The following RASAL2 variants were observed in gnomAD, a reference collection of about 807,000 sequenced individuals.
RASAL2 encodes the protein ras GTPase-activating protein nGAP.
Under a neutral mutation model 128.9 loss-of-function variants are expected in RASAL2, and 58 were observed. The ratio of observed to expected loss-of-function variants is 0.45; its 90% CI spans 0.36 to 0.56. The LOEUF (loss-of-function observed/expected upper bound fraction) is 0.56. Among genes scored for constraint, RASAL2 ranks in the 20% least tolerant of loss-of-function variants. The pLI, the probability that RASAL2 is intolerant of heterozygous loss-of-function variation, is 0.00. For missense variants in RASAL2, 1,360 were observed against 1,601.6 expected, an observed-to-expected ratio of 0.85 and a Z score of 2.57; for synonymous variants, 561 against 580.8, an observed-to-expected ratio of 0.97 and a Z score of 0.49.
intron 1 of RASAL2, among the ~76,000 whole-genome samples, chr1:178,213,728 A>G (rs1192190719): frequency 2.0e-5 from 3 of 151,686 alleles, no homozygotes; most frequent in Non-Finnish European, 2.9e-5. Context: ...AAAATAAGTT[A>G]CCTGAAGGTT....
chr1:178,300,073 G>T lies in RASAL2; in HGVS notation c.412G>T (p.Glu138Ter). Reference protein sequence around the residue: ...CLRRTVSVPSEGQFPEYPPEG... With the variant: ...CLRRTVSVPS ...GAGGAGAACTGTCAGTGTCCCTTCCGAGGGTCAGTTTCCCGAGTACCCACC... is the reference window on the plus strand; with the variant it reads ...GAGGAGAACTGTCAGTGTCCCTTCCTAGGGTCAGTTTCCCGAGTACCCACC... The change falls in exon 3 of 18, where the codon GAG becomes TAG. Residue 138 changes from glutamate (E) to a stop codon, truncating the protein, a stop_gained. Coordinates refer to ENST00000367649, the MANE Select transcript of RASAL2 (RefSeq NM_170692.4). LOFTEE classifies it high-confidence loss of function. 1 of 1,613,910 alleles carries T rather than the reference G, an allele frequency of 6.2e-7. No individual in the cohort carries two copies. Among genetic ancestry groups the T allele is most frequent in the Non-Finnish European group, 8.5e-7 (1 of 1,179,898 alleles).
chr1:178,128,815 C>T (rs1659993768), intron 1 of RASAL2, among the ~76,000 whole-genome samples: 1 of 152,020 alleles, frequency 6.6e-6, no homozygotes, highest in Admixed American at 6.5e-5. Context: ...GGTTCTTTCA[C>T]CATGGTGTTT....
At chr1:178,112,258 G>T (rs753648993) in intron 1 of RASAL2, among the ~76,000 whole-genome samples, 2 of 151,932 alleles carry the variant, frequency 1.3e-5, no homozygotes, top group Admixed American at 6.6e-5. Flanking sequence ...TTTTATTTAA[G>T]AAATCATTGT....
chr1:178,395,627 T>C (rs1241707899), intron 4 of RASAL2, among the ~76,000 whole-genome samples: 2 of 152,078 alleles, frequency 1.3e-5, no homozygotes, highest in Non-Finnish European at 2.9e-5. Context: ...AGCATTACTG[T>C]ATTCCAAGAG....
rs1250154751 is a variant in RASAL2, at chr1:178,458,032, C to T, written c.2740C>T (p.Pro914Ser). 2 of 1,614,186 alleles carry T rather than the reference C, an allele frequency of 1.2e-6. No homozygotes were observed. Among genetic ancestry groups the T allele is most frequent in the South Asian group, 1.1e-5 (1 of 91,084 alleles). The change falls in exon 14 of 18, where the codon CCA (proline) becomes TCA (serine). Residue 914 changes from proline to serine, a missense_variant. Transcript: ENST00000367649. Reference protein sequence around the residue: ...RRPLHPALNQPGGLQPLSFQN... With the variant: ...RRPLHPALNQSGGLQPLSFQN... ...GCCCCTGCACCCAGCCTTGAACCAG[C>T]CAGGTGGCCTTCAGCCCTTGTCGTT...
chr1:178,367,149 A>G (rs760824480), intron 3 of RASAL2, among the ~76,000 whole-genome samples: 23 of 152,324 alleles, frequency 1.5e-4, no homozygotes, highest in Non-Finnish European at 2.9e-4. Context: ...AATTAAAGGT[A>G]AGTCAAAGAC....
intron 1 of RASAL2, chr1:178,194,505 T>G (rs1012145820): frequency 6.0e-6 from 1 of 167,404 alleles, no homozygotes; most frequent in Non-Finnish European, 1.3e-5. Flanking sequence ...AATGATGAAT[T>G]TCTCTAAGCA....
intron 1 of RASAL2, among the ~76,000 whole-genome samples, chr1:178,162,289 TTATATA>T (rs554582730): frequency 8.2e-6 from 1 of 122,332 alleles, no homozygotes; most frequent in Non-Finnish European, 1.6e-5. Flanking sequence ...TAAGATTTCT[TTATATA>T]TATATATATA....
intron 4 of RASAL2, among the ~76,000 whole-genome samples, chr1:178,395,031 GT>G (rs1420651310): frequency 6.6e-6 from 1 of 152,136 alleles, no homozygotes; most frequent in African/African-American, 2.4e-5. Flanking sequence ...CTATGTAAGT[GT>G]TTTTCCAAGT....
intron 4 of RASAL2, among the ~76,000 whole-genome samples, chr1:178,401,031 G>C (rs1019913464): frequency 6.6e-6 from 1 of 152,154 alleles, no homozygotes; most frequent in African/African-American, 2.4e-5. Context: ...AATTACAGGC[G>C]TGAGCCACCC....
intron 1 of RASAL2, among the ~76,000 whole-genome samples, chr1:178,241,157 T>C (rs553521299): frequency 1.3e-5 from 2 of 152,226 alleles, no homozygotes; most frequent in East Asian, 1.9e-4. Context: ...TTCTTTCTGG[T>C]GTGCTATATA....
rs111578283 is a variant in RASAL2 at position 178,261,707 on chromosome 1, G to A, written c.203-21857G>A. Among the ~76,000 whole-genome samples the A allele has an allele frequency of 3.1e-3, 473 of 152,228 alleles. 2 individuals are homozygous for A. The highest frequency in any genetic ancestry group is 4.9e-3 in the Admixed American group (75 of 15,290). On this transcript the variant is annotated intron_variant, in intron 1 of 17. Coordinates refer to ENST00000367649, the MANE Select transcript of RASAL2 (RefSeq NM_170692.4). ...GGAGGCTGGTGGATCACGAGATCAG[G>A]AGTTAAAGACCAGCCTGGCCAAGAT...
intron 1 of RASAL2, among the ~76,000 whole-genome samples, chr1:178,203,923 G>C (rs926634467): frequency 1.2e-4 from 19 of 152,276 alleles, no homozygotes; most frequent in Non-Finnish European, 2.4e-4. Context: ...AAATGGCCCA[G>C]ACTCTTCAGG....
At chr1:178,131,020 G>C (rs1033405001) in intron 1 of RASAL2, among the ~76,000 whole-genome samples, 4 of 11,554 alleles carry the variant, frequency 3.5e-4, no homozygotes, top group East Asian at 0.33. Context: ...CACCACTGCA[G>C]TCCCAGCCTG....
intron 9 of RASAL2, among the ~76,000 whole-genome samples, chr1:178,448,028 G>A (rs1173160687): frequency 6.6e-6 from 1 of 152,126 alleles, no homozygotes; most frequent in Non-Finnish European, 1.5e-5. Context: ...TGTCTAGCTG[G>A]CTGTTGGAAA....
chr1:178,268,623 A>T (rs1334169233), intron 1 of RASAL2, among the ~76,000 whole-genome samples: 2 of 152,064 alleles, frequency 1.3e-5, no homozygotes, highest in Non-Finnish European at 2.9e-5. Context: ...CCTGTCTCTT[A>T]GAAAAAAAAG....
At chr1:178,175,185 G>GT (rs1476146109) in intron 1 of RASAL2, among the ~76,000 whole-genome samples, 8 of 152,010 alleles carry the variant, frequency 5.3e-5, no homozygotes, top group South Asian at 4.1e-4. Flanking sequence ...TTTGACATGT[G>GT]TTTTTTTCCC....
chr1:178,139,061 G>C (rs1474443333), intron 1 of RASAL2, among the ~76,000 whole-genome samples: 2 of 152,028 alleles, frequency 1.3e-5, no homozygotes, highest in Non-Finnish European at 2.9e-5. Flanking sequence ...AAGATTACTG[G>C]TTAGAAGAGG....
intron 4 of RASAL2, among the ~76,000 whole-genome samples, chr1:178,403,497 CAG>C (rs1237320521): frequency 1.7e-4 from 26 of 152,110 alleles, no homozygotes; most frequent in African/African-American, 6.0e-4. Context: ...TAGGGGAAAA[CAG>C]TAGTATAAAT....
Sources: gnomAD v4.1 joint callset for allele counts (sites outside exome capture counted in the v4.1 genomes callset) on GRCh38, gnomAD v4.1.1 for gene constraint, MANE v1.5 for transcripts, NCBI Gene and HGNC (gene_info 2026-07-23, HGNC 2026-07-21) for gene names.